Variants in N4BP1 observed in about 807,000 individuals in gnomAD.
The protein encoded by N4BP1 is NEDD4-binding protein 1.
A neutral mutation model predicts 70.9 loss-of-function variants in N4BP1; 21 were observed. The ratio of observed to expected loss-of-function variants is 0.30; its 90% CI spans 0.21 to 0.43. The LOEUF (loss-of-function observed/expected upper bound fraction) is 0.43, where lower values mean the gene tolerates loss of function less well. Ranked by LOEUF, N4BP1 falls within the 20% of genes least tolerant of loss-of-function variation. The probability of loss-of-function intolerance (pLI) is 1.00; values close to 1 mark genes in which losing one functional copy is unlikely to be tolerated. For missense variants in N4BP1, 936 were observed against 1,069.4 expected, an observed-to-expected ratio of 0.88 and a Z score of 1.74; for synonymous variants, 387 against 394.6, an observed-to-expected ratio of 0.98 and a Z score of 0.23.
intron 1 of N4BP1, among the ~76,000 whole-genome samples, chr16:48,584,757 CAACA>C (rs1457981680): frequency 1.3e-5 from 2 of 151,970 alleles, no homozygotes. Context: ...TAAAAAATAA[CAACA>C]AATAGAAAAA....
At chr16:48,605,734 G>C (rs1393272289) in intron 1 of N4BP1, among the ~76,000 whole-genome samples, 1 of 152,158 alleles carries the variant, frequency 6.6e-6, no homozygotes, top group African/African-American at 2.4e-5. Context: ...CCAGCCCAGA[G>C]GTGTAAACAC....
At position 48,562,417 on chromosome 16, in the gene N4BP1, C is replaced by G; in HGVS notation, c.226G>C (p.Glu76Gln). The stretch of plus-strand genomic sequence containing the variant: ...GGGTAACATTCTCTTTCTTCTAGTT[C>G]AGGTTCACAGATTCCTTTAATATAT... ...KEYIKGICEP[E>Q]LEERECYPKD... is the part of the protein sequence containing the mutation. Residue 76 changes from glutamate (E) to glutamine (Q), a missense_variant, in exon 2 of 7, where the codon GAA becomes CAA. Coordinates refer to ENST00000262384, the MANE Select transcript of N4BP1 (RefSeq NM_153029.4). 8.1e-6 allele frequency: 13 copies of G among 1,609,626 alleles called. No homozygotes were observed. The highest frequency in any genetic ancestry group is 1.1e-5 in the Non-Finnish European group (13 of 1,178,654).
chr16:48,592,051 A>G (rs1964347534), intron 1 of N4BP1, among the ~76,000 whole-genome samples: 1 of 152,158 alleles, frequency 6.6e-6, no homozygotes, highest in African/African-American at 2.4e-5. Context: ...TCAAAGAAGC[A>G]TGCTCTTGGC....
chr16:48,546,039 AAAT>A lies in N4BP1; in HGVS notation c.2333+105_2333+107del, dbSNP rs893820267. 5 of 694,194 alleles carry A rather than the reference AAAT, an allele frequency of 7.2e-6. No individual in the cohort carries two copies. In the African/African-American group the frequency reaches 7.6e-5, roughly 11 times the overall value. 43.0% of individuals were successfully genotyped at this position (694,194 alleles called of 1,614,324 possible). A position where few individuals can be genotyped will look rare whatever the true frequency, so the allele number is the denominator to read the frequency against. ...GAAGACCTTGTCTCAAAAAAAAAAA[AAAT>A]AATTTTTTTAATGTCATTTTTAGTC... On this transcript the variant is annotated intron_variant, in intron 6 of 6. Transcript: ENST00000262384.
intron 4 of N4BP1, 64 bp from the exon 5 acceptor site, chr16:48,548,178 A>G (rs1963615728): frequency 1.1e-6 from 1 of 913,730 alleles, no homozygotes; most frequent in Admixed American, 2.0e-5. Context: ...AAGCCATGTT[A>G]TAAGAAGAGA....
At chr16:48,604,445 CA>C (rs2151103623) in intron 1 of N4BP1, among the ~76,000 whole-genome samples, 1 of 152,078 alleles carries the variant, frequency 6.6e-6, no homozygotes, top group South Asian at 2.1e-4. Context: ...CCCAGCTACT[CA>C]GGAGGCCAAG....
At chr16:48,573,353 A>G (rs1430309016) in intron 1 of N4BP1, among the ~76,000 whole-genome samples, 1 of 152,174 alleles carries the variant, frequency 6.6e-6, no homozygotes, top group Non-Finnish European at 1.5e-5. Context: ...GCACTTTGGG[A>G]GGCCAAGGCA....
At chr16:48,600,436 C>A in intron 1 of N4BP1, 6 of 637,018 alleles carry the variant, frequency 9.4e-6, no homozygotes, top group East Asian at 3.0e-5. Context: ...ACTACTGAAG[C>A]AATGAAGACA....
rs548468094 is a variant in N4BP1, at chr16:48,609,923, G to A, written c.50C>T (p.Ala17Val). 7.2e-4 allele frequency: 1,029 copies of A among 1,434,230 alleles called. 9 individuals carry two copies. In the East Asian group the frequency reaches 0.017, roughly 23 times the overall value. The allele number at this position is 1,434,230 out of a possible 1,614,324, so 88.8% of individuals were successfully genotyped here. The change falls in exon 1 of 7, where the codon GCG (alanine) becomes GTG (valine). Residue 17 changes from alanine to valine, a missense_variant. Coordinates refer to ENST00000262384, the MANE Select transcript of N4BP1 (RefSeq NM_153029.4). ...LDEFTAPAEK[A>V]ELLEQSRGRI... ...GCCGCGGCTCTGCTCCAGCAGCTCCGCCTTCTCAGCTGGCGCAGTGAACTC... is the reference window on the plus strand; with the variant it reads ...GCCGCGGCTCTGCTCCAGCAGCTCCACCTTCTCAGCTGGCGCAGTGAACTC...
At chr16:48,564,582 A>C (rs1963911848) in intron 1 of N4BP1, among the ~76,000 whole-genome samples, 1 of 152,108 alleles carries the variant, frequency 6.6e-6, no homozygotes. Flanking sequence ...TAATTTCTTA[A>C]AATTGGGTAA....
chr16:48,607,116 G>A (rs1258716193), intron 1 of N4BP1, among the ~76,000 whole-genome samples: 2 of 152,176 alleles, frequency 1.3e-5, no homozygotes, highest in Non-Finnish European at 2.9e-5. Flanking sequence ...TGACTTATGA[G>A]TAATACATAT....
At chr16:48,552,975 C>T (rs1372570910) in intron 3 of N4BP1, among the ~76,000 whole-genome samples, 4 of 152,098 alleles carry the variant, frequency 2.6e-5, no homozygotes, top group Non-Finnish European at 5.9e-5. Flanking sequence ...TTTTTCCAGG[C>T]CCTCTGATGT....
rs531801118 is a variant in N4BP1 at position 48,581,375 on chromosome 16, C to T, written c.199-18931G>A. ...TAAGATCTGGAACAAGACAAAGAAG[C>T]CCGCTCTTTCAATATGGTATTCAAA... On this transcript the variant is annotated intron_variant, in intron 1 of 6. Coordinates refer to ENST00000262384, the MANE Select transcript of N4BP1 (RefSeq NM_153029.4). 1.3e-4 allele frequency among the ~76,000 whole-genome samples: 20 copies of T among 152,146 alleles called. 1 individual carries two copies. In the South Asian group the frequency reaches 3.7e-3, roughly 28 times the overall value.
At chr16:48,554,458 G>C (rs1164036654) in intron 2 of N4BP1, among the ~76,000 whole-genome samples, 1 of 152,166 alleles carries the variant, frequency 6.6e-6, no homozygotes, top group Non-Finnish European at 1.5e-5. Flanking sequence ...CAACGGAAAG[G>C]AAGAAAGTAC....
chr16:48,593,600 A>G (rs546723932), intron 1 of N4BP1, among the ~76,000 whole-genome samples: 2 of 152,364 alleles, frequency 1.3e-5, no homozygotes, highest in Middle Eastern at 3.4e-3. Flanking sequence ...GAGTTTTCCT[A>G]AATCATTGTT....
At chr16:48,601,102 G>A (rs1302737678) in intron 1 of N4BP1, among the ~76,000 whole-genome samples, 1 of 152,202 alleles carries the variant, frequency 6.6e-6, no homozygotes, top group Non-Finnish European at 1.5e-5. Context: ...AGTATTTCCT[G>A]TTTTGGTTTA....
At chr16:48,602,773 A>C (rs1431559097) in intron 1 of N4BP1, among the ~76,000 whole-genome samples, 1 of 150,528 alleles carries the variant, frequency 6.6e-6, no homozygotes, top group Non-Finnish European at 1.5e-5. Context: ...CAACATGAGG[A>C]AACCCCATCT....
intron 1 of N4BP1, among the ~76,000 whole-genome samples, chr16:48,565,564 C>A (rs1043830351): frequency 6.6e-6 from 1 of 152,180 alleles, no homozygotes; most frequent in African/African-American, 2.4e-5. Context: ...TGTTAAGAAT[C>A]TATACGGACT....
rs2151106431 is a variant in N4BP1 at position 48,610,113 on chromosome 16, C to T, written c.-141G>A. 2 of 266,718 alleles carry T rather than the reference C, an allele frequency of 7.5e-6. No homozygotes were observed. The highest frequency in any genetic ancestry group is 1.3e-4 in the South Asian group (1 of 7,756). The allele number at this position is 266,718 out of a possible 1,614,324, so 16.5% of individuals were successfully genotyped here. ...CCCCGCCCGCGCCCCGCCGCCCGCC[C>T]TCAGGCCCGGCTATACCATCCCGCC... On this transcript the variant is annotated 5_prime_UTR_variant, in exon 1 of 7. Coordinates refer to ENST00000262384, the MANE Select transcript of N4BP1 (RefSeq NM_153029.4).
Sources: allele counts gnomAD v4.1 joint callset (sites outside exome capture counted in the v4.1 genomes callset), GRCh38; gene constraint gnomAD v4.1.1; transcripts MANE v1.5; gene names NCBI Gene and HGNC (gene_info 2026-07-23, HGNC 2026-07-21).